Variants in PIGK observed in about 807,000 individuals in gnomAD.
PIGK encodes the protein GPI-anchor transamidase.
Under a neutral mutation model 50.6 loss-of-function variants are expected in PIGK, and 42 were observed. The ratio of observed to expected loss-of-function variants is 0.83; its 90% CI spans 0.65 to 1.07. The LOEUF is 1.07. Ranked by LOEUF, PIGK falls within the 50% of genes least tolerant of loss-of-function variation. The pLI, the probability that PIGK is intolerant of heterozygous loss-of-function variation, is 0.00. For synonymous variants in PIGK, 151 were observed against 156.0 expected, an observed-to-expected ratio of 0.97 and a Z score of 0.24; for missense variants, 448 against 488.7, an observed-to-expected ratio of 0.92 and a Z score of 0.78.
chr1:77,206,311 T>C (rs1656285959), intron 3 of PIGK, among the ~76,000 whole-genome samples: 1 of 152,182 alleles, frequency 6.6e-6, no homozygotes, highest in South Asian at 2.1e-4. Context: ...TAAATCCCTT[T>C]TCCACTTGAA....
At chr1:77,173,401 C>G (rs1444618293) in intron 3 of PIGK, among the ~76,000 whole-genome samples, 1 of 152,020 alleles carries the variant, frequency 6.6e-6, no homozygotes, top group Non-Finnish European at 1.5e-5. Flanking sequence ...CAGCAACTTG[C>G]AAAATTGAGA....
At chr1:77,141,283 T>C (rs1445114568) in intron 9 of PIGK, among the ~76,000 whole-genome samples, 1 of 152,142 alleles carries the variant, frequency 6.6e-6, no homozygotes, top group South Asian at 2.1e-4. Context: ...TATTCTGAGA[T>C]CATATCCTAA....
intron 3 of PIGK, chr1:77,194,844 G>T: frequency 2.6e-6 from 1 of 390,960 alleles, no homozygotes; most frequent in Non-Finnish European, 4.9e-6. Flanking sequence ...TCAAGATTCT[G>T]GGCACTGAGA....
intron 3 of PIGK, among the ~76,000 whole-genome samples, chr1:77,184,429 A>G (rs1655694252): frequency 6.6e-6 from 1 of 152,198 alleles, no homozygotes; most frequent in Non-Finnish European, 1.5e-5. Flanking sequence ...CCACTACATA[A>G]CCAACAGCTT....
rs1339065014 is a variant in PIGK at position 77,154,631 on chromosome 1, T to C, written c.814-10A>G. ...TGGGACATACCTGAAACTGAAAAAA[T>C]ATATAATAATAAATGCATGCATCCA... On this transcript the variant is annotated splice_polypyrimidine_tract_variant and intron_variant, in intron 8 of 10. Coordinates refer to ENST00000370812, the MANE Select transcript of PIGK (RefSeq NM_005482.3). 6.4e-7 allele frequency: 1 copy of C among 1,568,562 alleles called. No homozygotes were observed. Among genetic ancestry groups the C allele is most frequent in the Non-Finnish European group, 8.7e-7 (1 of 1,143,950 alleles).
At chr1:77,112,679 T>C (rs1316033054) in intron 10 of PIGK, among the ~76,000 whole-genome samples, 2 of 152,160 alleles carry the variant, frequency 1.3e-5, no homozygotes, top group African/African-American at 4.8e-5. Context: ...ATGAGTAATT[T>C]CATTCTATTT....
In PIGK at chr1:77,092,228, T is replaced by A; in HGVS notation, c.*146A>T. 1 of 477,090 alleles carries A rather than the reference T, an allele frequency of 2.1e-6. No homozygotes were observed. 29.6% of individuals were successfully genotyped at this position (477,090 alleles called of 1,614,324 possible). On this transcript the variant is annotated 3_prime_UTR_variant, in exon 11 of 11. Transcript: ENST00000370812. The stretch of plus-strand genomic sequence containing the variant: ...GCATTAACAATTATTTTTCTTTAAG[T>A]TATAAAATTAATAGTTGATTCAAAT...
At chr1:77,123,029 AAAT>A (rs1654140332) in intron 9 of PIGK, among the ~76,000 whole-genome samples, 1 of 152,204 alleles carries the variant, frequency 6.6e-6, no homozygotes, top group Admixed American at 6.5e-5. Context: ...AATGAAATAA[AAAT>A]AATTCTGAGA....
intron 10 of PIGK, among the ~76,000 whole-genome samples, chr1:77,096,305 T>A (rs1009502287): frequency 6.6e-6 from 1 of 152,162 alleles, no homozygotes; most frequent in Non-Finnish European, 1.5e-5. Context: ...TGGCCCTAAT[T>A]ACCCATTCTT....
chr1:77,194,247 C>G (rs1026774480), intron 3 of PIGK, among the ~76,000 whole-genome samples: 2 of 152,176 alleles, frequency 1.3e-5, no homozygotes, highest in African/African-American at 2.4e-5. Flanking sequence ...TAAATTGATT[C>G]AGCCACTGTG....
chr1:77,213,993 G>A (rs1202031828), intron 1 of PIGK, among the ~76,000 whole-genome samples: 5 of 152,150 alleles, frequency 3.3e-5, no homozygotes, highest in Non-Finnish European at 7.4e-5. Flanking sequence ...GGAAGAAAGA[G>A]AAACCTGAAT....
rs941817664 is a variant in PIGK at position 77,091,708 on chromosome 1, T to C, written c.*666A>G. ...TAGATTAAAAAACCAATTTTTCATC[T>C]TTGCTTTTAATTAAAGCTGCAGGAT... On this transcript the variant is annotated 3_prime_UTR_variant, in exon 11 of 11. Transcript: ENST00000370812. The C allele has an allele frequency of 1.3e-5, 2 of 152,190 alleles. No homozygotes were observed. Among genetic ancestry groups the C allele is most frequent in the African/African-American group, 2.4e-5 (1 of 41,444 alleles). 9.4% of individuals were successfully genotyped at this position (152,190 alleles called of 1,614,324 possible).
intron 10 of PIGK, among the ~76,000 whole-genome samples, chr1:77,121,748 C>G (rs1418988290): frequency 2.6e-5 from 4 of 152,182 alleles, no homozygotes; most frequent in African/African-American, 7.2e-5. Context: ...GCTTACAACA[C>G]TGCCTTCTCA....
At chr1:77,115,549 G>C (rs1046096256) in intron 10 of PIGK, among the ~76,000 whole-genome samples, 11 of 152,008 alleles carry the variant, frequency 7.2e-5, no homozygotes, top group Non-Finnish European at 1.0e-4. Context: ...CCTGCACAAT[G>C]AAAGAACTGT....
rs533449035 is a variant in PIGK, at chr1:77,102,740, ACAG to A, written c.1072-10253_1072-10251del. Among the ~76,000 whole-genome samples the A allele has an allele frequency of 2.4e-3, 372 of 152,338 alleles. 2 individuals are homozygous for A. The highest frequency in any genetic ancestry group is 5.6e-3 in the Admixed American group (85 of 15,302). On this transcript the variant is annotated intron_variant, in intron 10 of 10. Transcript: ENST00000370812. ...ACAGCAGTGATAGAAAACGCATACA[ACAG>A]CAGAAGCTTTTGATGCAGATAGTCC...
chr1:77,207,213 C>A (rs1656310797), intron 2 of PIGK, among the ~76,000 whole-genome samples: 1 of 152,116 alleles, frequency 6.6e-6, no homozygotes, highest in Non-Finnish European at 1.5e-5. Context: ...AAAGAGAAGT[C>A]TTTCATAACT....
At chr1:77,140,701 CA>C (rs529182798) in intron 9 of PIGK, among the ~76,000 whole-genome samples, 2 of 151,356 alleles carry the variant, frequency 1.3e-5, no homozygotes, top group Non-Finnish European at 3.0e-5. Context: ...AAAAACAAAA[CA>C]AAAAAAACCA....
intron 9 of PIGK, among the ~76,000 whole-genome samples, chr1:77,142,827 G>C (rs1570217801): frequency 6.6e-6 from 1 of 152,116 alleles, no homozygotes; most frequent in Non-Finnish European, 1.5e-5. Flanking sequence ...GATGAGATTT[G>C]AGTGGGGACA....
intron 6 of PIGK, among the ~76,000 whole-genome samples, chr1:77,162,236 A>G (rs1448022929): frequency 1.3e-5 from 2 of 152,180 alleles, no homozygotes; most frequent in Non-Finnish European, 2.9e-5. Flanking sequence ...TAACAAAATC[A>G]AAGTGTTGAA....
Sources: allele counts gnomAD v4.1 joint callset (sites outside exome capture counted in the v4.1 genomes callset), GRCh38; gene constraint gnomAD v4.1.1; transcripts MANE v1.5; gene names NCBI Gene and HGNC (gene_info 2026-07-23, HGNC 2026-07-21).